CADPS: variants seen among roughly 807,000 people sequenced by gnomAD.
The protein encoded by CADPS is calcium dependent secretion activator.
A neutral mutation model predicts 167.3 loss-of-function variants in CADPS; 57 were observed. The observed-to-expected ratio is 0.34, with a 90% CI of 0.28 to 0.42. The LOEUF is 0.42. CADPS is among the 20% of genes least tolerant of loss of function. CADPS has a pLI of 1.00. For missense variants in CADPS, 1,414 were observed against 1,738.1 expected, an observed-to-expected ratio of 0.81 and a Z score of 3.32; for synonymous variants, 676 against 635.3, an observed-to-expected ratio of 1.06 and a Z score of -0.96.
chr3:62,536,386 A>C, intron 12 of CADPS, 59 bp downstream of exon 12: 1 of 1,445,024 alleles, frequency 6.9e-7, no homozygotes. Flanking sequence ...AGGTAGAGAA[A>C]TATTTAAATG....
chr3:62,445,601 A>G (rs555122146), intron 27 of CADPS, among the ~76,000 whole-genome samples, 164 bp downstream of exon 27: 1 of 152,254 alleles, frequency 6.6e-6, no homozygotes, highest in South Asian at 2.1e-4. Context: ...TTCTACTACA[A>G]AATATTCTTG....
intron 8 of CADPS, among the ~76,000 whole-genome samples, chr3:62,583,278 ATCT>A (rs2083851690): frequency 6.6e-6 from 1 of 151,966 alleles, no homozygotes; most frequent in Non-Finnish European, 1.5e-5. Flanking sequence ...AAAGATGAAG[ATCT>A]TCTCTTGTGT....
At chr3:62,690,441 G>A (rs2367318) in intron 3 of CADPS, among the ~76,000 whole-genome samples, 105,950 of 151,810 alleles carry the variant, frequency 0.7, 38,291 homozygotes, top group East Asian at 0.98. Flanking sequence ...TAGAGATCAT[G>A]AGCCCTGCTC....
intron 10 of CADPS, among the ~76,000 whole-genome samples, chr3:62,557,018 C>CAG (rs2078273071): frequency 6.8e-6 from 1 of 147,934 alleles, no homozygotes; most frequent in South Asian, 2.2e-4. Flanking sequence ...CACACACACA[C>CAG]ACACACACAC....
At position 62,466,578 on chromosome 3, in the gene CADPS, T is replaced by C. The variant is rs150397331; in HGVS notation, c.3478-165A>G. 557 of 676,168 alleles carry C rather than the reference T, an allele frequency of 8.2e-4. 1 individual carries two copies. In the Middle Eastern group the frequency reaches 0.014, roughly 17 times the overall value. The allele number at this position is 676,168 out of a possible 1,614,324, so 41.9% of individuals were successfully genotyped here. On this transcript the variant is annotated intron_variant, in intron 24 of 29. Coordinates refer to ENST00000383710, the MANE Select transcript of CADPS (RefSeq NM_003716.4). The stretch of plus-strand genomic sequence containing the variant: ...TAAGATCCTGACTCCAGTTCTTTGA[T>C]AGAGAGAGATCTGAAGCTCTTAAAA...
At chr3:62,497,960 C>T (rs2065091364) in intron 18 of CADPS, among the ~76,000 whole-genome samples, 1 of 152,164 alleles carries the variant, frequency 6.6e-6, no homozygotes, top group Non-Finnish European at 1.5e-5. Flanking sequence ...GAGAATCACC[C>T]ACATTGACCC....
In CADPS at chr3:62,736,980, AC is replaced by A. The variant is rs2079100988; in HGVS notation, c.888+16460del. Among the ~76,000 whole-genome samples, 3 of 132,616 alleles carry A rather than the reference AC, an allele frequency of 2.3e-5. No homozygotes were observed. In the South Asian group the frequency reaches 7.8e-4, roughly 34 times the overall value. The allele number at this position is 132,616 out of a possible 152,430, so 87.0% of individuals were successfully genotyped here. On this transcript the variant is annotated intron_variant, in intron 3 of 29. Transcript: ENST00000383710. ...GATGAAACCCCATCTCTATTAAAAT[AC>A]AAAAAAAATTAGCTGGGCATGGTGG...
At chr3:62,513,194 G>T (rs1447167183) in intron 16 of CADPS, among the ~76,000 whole-genome samples, 1 of 151,998 alleles carries the variant, frequency 6.6e-6, no homozygotes, top group African/African-American at 2.4e-5. Flanking sequence ...ACCTGGTGTG[G>T]TCTCATACCC....
intron 3 of CADPS, among the ~76,000 whole-genome samples, chr3:62,734,620 G>T (rs1297812314): frequency 6.6e-6 from 1 of 152,126 alleles, no homozygotes; most frequent in Non-Finnish European, 1.5e-5. Context: ...TATCTTTTCT[G>T]TTGAATGTGG....
At chr3:62,724,355 G>A (rs1392219791) in intron 3 of CADPS, among the ~76,000 whole-genome samples, 2 of 152,080 alleles carry the variant, frequency 1.3e-5, no homozygotes, top group Non-Finnish European at 2.9e-5. Context: ...AATTGCAATG[G>A]CATGCAGCTC....
rs570438654 is a variant in CADPS at position 62,693,133 on chromosome 3, C to A, written c.889-30739G>T. Reference sequence around the variant, plus strand: ...CTCCCAATTTCCACTCAAGTTCCTGCCCCTCCCTTCAGGCCTCTGCTTCAG... The same window carrying A: ...CTCCCAATTTCCACTCAAGTTCCTGACCCTCCCTTCAGGCCTCTGCTTCAG... On this transcript the variant is annotated intron_variant, in intron 3 of 29. Transcript: ENST00000383710. Among the ~76,000 whole-genome samples, 13 of 152,164 alleles carry A rather than the reference C, an allele frequency of 8.5e-5. No homozygotes were observed. In the East Asian group the frequency reaches 2.3e-3, roughly 27 times the overall value.
chr3:62,859,120 A>T (rs1035048813), intron 1 of CADPS, among the ~76,000 whole-genome samples: 23 of 152,146 alleles, frequency 1.5e-4, no homozygotes, highest in African/African-American at 5.3e-4. Flanking sequence ...GGAAAGGGTA[A>T]ATGTTCTGCA....
intron 3 of CADPS, among the ~76,000 whole-genome samples, chr3:62,717,490 T>C (rs1481672044): frequency 2.0e-5 from 3 of 152,182 alleles, no homozygotes; most frequent in Non-Finnish European, 4.4e-5. Context: ...TCCTTTCTCA[T>C]CTTCGAAAAT....
At chr3:62,545,882 C>G (rs1031903926) in intron 11 of CADPS, among the ~76,000 whole-genome samples, 1 of 152,012 alleles carries the variant, frequency 6.6e-6, no homozygotes, top group Non-Finnish European at 1.5e-5. Context: ...ATATTGCTTC[C>G]CTTCTCTATG....
chr3:62,416,173 C>T (rs760930341), intron 28 of CADPS, among the ~76,000 whole-genome samples: 4 of 152,108 alleles, frequency 2.6e-5, no homozygotes, highest in East Asian at 1.9e-4. Context: ...CAGCAGGTGA[C>T]GGTGGGGTGG....
rs954975991 is a variant in CADPS, at chr3:62,874,438, C to G, written c.441+151G>C. On this transcript the variant is annotated intron_variant, in intron 1 of 29. Coordinates refer to ENST00000383710, the MANE Select transcript of CADPS (RefSeq NM_003716.4). This position sits in a 1 kb window ranked among gnomAD's most constrained non-coding sequence, Gnocchi z 7.1. ...TGGGCTGGGCCTGGGCGAGCCCGGCCGCTGGGAGGGGGCCTCGTAGCCCTT... is the reference window on the plus strand; with the variant it reads ...TGGGCTGGGCCTGGGCGAGCCCGGCGGCTGGGAGGGGGCCTCGTAGCCCTT... 2 of 626,358 alleles carry G rather than the reference C, an allele frequency of 3.2e-6. No individual in the cohort carries two copies. The highest frequency in any genetic ancestry group is 1.9e-5 in the African/African-American group (1 of 52,554). The allele number at this position is 626,358 out of a possible 1,614,324, so 38.8% of individuals were successfully genotyped here.
At chr3:62,769,072 C>T (rs1171188105) in intron 1 of CADPS, among the ~76,000 whole-genome samples, 1 of 152,122 alleles carries the variant, frequency 6.6e-6, no homozygotes, top group Non-Finnish European at 1.5e-5. Flanking sequence ...AATGACTAAC[C>T]TCTCTAAAGC....
intron 6 of CADPS, among the ~76,000 whole-genome samples, chr3:62,619,907 G>C (rs2062901123): frequency 6.6e-6 from 1 of 152,078 alleles, no homozygotes; most frequent in African/African-American, 2.4e-5. Context: ...ATTATTTGTG[G>C]ACAGAGGCTG....
intron 3 of CADPS, among the ~76,000 whole-genome samples, chr3:62,676,904 G>C (rs187797471): frequency 2.6e-5 from 4 of 152,124 alleles, no homozygotes; most frequent in Admixed American, 1.3e-4. Context: ...ACAGCCTGGG[G>C]CTTTGATGCA....
Sources: gnomAD v4.1 joint callset for allele counts (sites outside exome capture counted in the v4.1 genomes callset) on GRCh38, gnomAD v4.1.1 for gene constraint, Gnocchi (gnomAD v3.1) non-coding constraint, MANE v1.5 for transcripts, NCBI Gene and HGNC (gene_info 2026-07-23, HGNC 2026-07-21) for gene names.